Variants in NAALADL2 observed in about 807,000 individuals in gnomAD.
NAALADL2 encodes inactive N-acetylated-alpha-linked acidic dipeptidase-like protein 2.
A neutral mutation model predicts 87.2 loss-of-function variants in NAALADL2; 76 were observed. The ratio of observed to expected loss-of-function variants is 0.87; its 90% confidence interval spans 0.72 to 1.05. NAALADL2 has a LOEUF of 1.05. Among genes scored for constraint, NAALADL2 ranks in the 50% least tolerant of loss-of-function variants. NAALADL2 has a pLI of 0.00. For missense variants in NAALADL2, 1,089 were observed against 945.8 expected (o/e 1.15, Z -1.99); for synonymous variants, 354 against 331.0 (o/e 1.07, Z -0.75).
chr3:174,603,260 C>A (rs1201508022), intron 2 of NAALADL2, among the ~76,000 whole-genome samples: 2 of 151,866 alleles, frequency 1.3e-5, no homozygotes, highest in South Asian at 4.1e-4. Flanking sequence ...TGCTGAGAGA[C>A]TTTTTATTAC....
intron 2 of NAALADL2, among the ~76,000 whole-genome samples, chr3:174,685,648 T>C (rs1201800789): frequency 6.6e-6 from 1 of 152,132 alleles, no homozygotes; most frequent in East Asian, 1.9e-4. Context: ...TTGGCCTGTG[T>C]TTTATTTTAT....
intron 9 of NAALADL2, among the ~76,000 whole-genome samples, chr3:175,488,446 T>G (rs937436616): frequency 2.6e-5 from 4 of 152,244 alleles, no homozygotes; most frequent in African/African-American, 7.2e-5. Context: ...GGTGTGTAGG[T>G]GCTGGGATGT....
chr3:174,923,944 G>C (rs780126969), intron 1 of NAALADL2, among the ~76,000 whole-genome samples: 5 of 152,108 alleles, frequency 3.3e-5, no homozygotes, highest in South Asian at 2.1e-4. Context: ...TGCTGTAATG[G>C]CATTCATAAA....
At chr3:174,986,851 T>G (rs74909090) in intron 1 of NAALADL2, among the ~76,000 whole-genome samples, 3,117 of 152,202 alleles carry the variant, frequency 0.02, 101 homozygotes, top group African/African-American at 0.071. Flanking sequence ...ATGGACAAAT[T>G]TGGCCACTGT....
At chr3:174,868,695 C>T (rs1727450664) in intron 1 of NAALADL2, among the ~76,000 whole-genome samples, 1 of 152,006 alleles carries the variant, frequency 6.6e-6, no homozygotes, top group South Asian at 2.1e-4. Flanking sequence ...GAATAGTATC[C>T]TTAACTGATT....
At chr3:174,728,101 GT>G (rs1732376325) in intron 2 of NAALADL2, among the ~76,000 whole-genome samples, 1 of 151,830 alleles carries the variant, frequency 6.6e-6, no homozygotes, top group Non-Finnish European at 1.5e-5. Context: ...ATGTACAACC[GT>G]TTACTTATAC....
At chr3:174,763,392 G>C (rs1030288448) in intron 3 of NAALADL2, among the ~76,000 whole-genome samples, 7 of 151,646 alleles carry the variant, frequency 4.6e-5, no homozygotes, top group Middle Eastern at 3.4e-3. Flanking sequence ...TTCAAGACCA[G>C]CCTGACCAAC....
At chr3:174,667,740 A>G (rs4894474) in intron 2 of NAALADL2, among the ~76,000 whole-genome samples, 113,386 of 151,548 alleles carry the variant, frequency 0.75, 42,620 homozygotes, top group East Asian at 0.9. Flanking sequence ...TTGTCCTATA[A>G]GAAGTGTCTG....
intron 10 of NAALADL2, among the ~76,000 whole-genome samples, chr3:175,590,084 C>T (rs140318921): frequency 2.6e-5 from 4 of 151,758 alleles, no homozygotes; most frequent in Non-Finnish European, 4.4e-5. Flanking sequence ...TGGTGGCGGG[C>T]GACTGTAATC....
chr3:175,729,260 C>T (rs1240371846), intron 11 of NAALADL2, among the ~76,000 whole-genome samples: 1 of 152,116 alleles, frequency 6.6e-6, no homozygotes, highest in Non-Finnish European at 1.5e-5. Flanking sequence ...TTTCTCTCCC[C>T]CATAGCATGG....
At chr3:174,524,513 G>A (rs1057090584) in intron 1 of NAALADL2, among the ~76,000 whole-genome samples, 1 of 152,088 alleles carries the variant, frequency 6.6e-6, no homozygotes, top group Non-Finnish European at 1.5e-5. Flanking sequence ...GTTTCATTCA[G>A]CAAGGGACCA....
chr3:174,632,531 AG>A (rs1722216032), intron 2 of NAALADL2, among the ~76,000 whole-genome samples: 1 of 152,174 alleles, frequency 6.6e-6, no homozygotes, highest in African/African-American at 2.4e-5. Context: ...TATGTTGATA[AG>A]GAAAATTTTT....
At chr3:174,533,994 A>G (rs530154190) in intron 1 of NAALADL2, among the ~76,000 whole-genome samples, 23 of 152,318 alleles carry the variant, frequency 1.5e-4, no homozygotes, top group Admixed American at 1.2e-3. Flanking sequence ...CTTTATAAAC[A>G]TGACAATAAT....
chr3:174,598,085 T>C (rs978299504), intron 2 of NAALADL2, among the ~76,000 whole-genome samples: 11 of 152,174 alleles, frequency 7.2e-5, no homozygotes, highest in African/African-American at 2.4e-4. Context: ...AATAACCATG[T>C]TGAAGAACTG....
chr3:174,775,215 C>T (rs1424976540), intron 3 of NAALADL2, among the ~76,000 whole-genome samples: 1 of 151,700 alleles, frequency 6.6e-6, no homozygotes, highest in Non-Finnish European at 1.5e-5. Flanking sequence ...TCACATAGTG[C>T]AACCATTATA....
At chr3:174,898,148 A>AAAAAAG in intron 1 of NAALADL2, among the ~76,000 whole-genome samples, 1 of 148,444 alleles carries the variant, frequency 6.7e-6, no homozygotes, top group African/African-American at 2.5e-5. Flanking sequence ...AAAAAAGAAA[A>AAAAAAG]AAAGAATGAG....
chr3:175,490,427 C>A (rs1045583816), intron 9 of NAALADL2, among the ~76,000 whole-genome samples: 1 of 152,048 alleles, frequency 6.6e-6, no homozygotes, highest in Non-Finnish European at 1.5e-5. Context: ...CACTCTGTCA[C>A]CCTGGCTGGA....
At chr3:174,526,179 CCT>C (rs1720728818) in intron 1 of NAALADL2, among the ~76,000 whole-genome samples, 1 of 152,156 alleles carries the variant, frequency 6.6e-6, no homozygotes, top group South Asian at 2.1e-4. Context: ...TCTGTATTCA[CCT>C]CCCACTTTCG....
In NAALADL2 at chr3:175,472,367, C is replaced by G. The variant is rs867295757; in HGVS notation, c.1653+609C>G. Among the ~76,000 whole-genome samples the G allele has an allele frequency of 3.3e-5, 5 of 152,186 alleles. No homozygotes were observed. In the Middle Eastern group the frequency reaches 0.01, roughly 311 times the overall value. On this transcript the variant is annotated intron_variant, in intron 9 of 13. Transcript: ENST00000454872. ...GCCTAATTTAAAAAATTTAGCAGAA[C>G]ATTTTTTCCTGTTTATTAGTAGAGT...
Sources: allele counts gnomAD v4.1 joint callset (sites outside exome capture counted in the v4.1 genomes callset), GRCh38; gene constraint gnomAD v4.1.1; transcripts MANE v1.5; gene names NCBI Gene and HGNC (gene_info 2026-07-23, HGNC 2026-07-21).